Variants in TRAK2 observed in about 807,000 individuals in gnomAD.
TRAK2 encodes the protein trafficking kinesin-binding protein 2.
In TRAK2, 81 loss-of-function variants were observed where a neutral mutation model predicts 104.6. The ratio of observed to expected loss-of-function variants is 0.77; its 90% CI spans 0.65 to 0.93. The LOEUF (loss-of-function observed/expected upper bound fraction) is 0.93. Among genes scored for constraint, TRAK2 ranks in the 40% least tolerant of loss-of-function variants. The pLI, the probability that TRAK2 is intolerant of heterozygous loss-of-function variation, is 0.00. For missense variants in TRAK2, 1,002 were observed against 1,089.0 expected (o/e 0.92, Z 1.12); for synonymous variants, 406 against 394.4 (o/e 1.03, Z -0.35).
At chr2:201,394,659 G>T in intron 9 of TRAK2, 139 bp downstream of exon 9, 1 of 760,842 alleles carries the variant, frequency 1.3e-6, no homozygotes, top group Non-Finnish European at 2.1e-6. Flanking sequence ...TTACTTCTTA[G>T]ATCTCATAAT....
At position 201,408,292 on chromosome 2, in the gene TRAK2, C is replaced by G. The variant is rs565992383; in HGVS notation, c.92-695G>C. Among the ~76,000 whole-genome samples the G allele has an allele frequency of 1.4e-4, 22 of 152,212 alleles. No homozygotes were observed. The South Asian group carries it at 2.5e-3, about 17-fold the overall frequency. On this transcript the variant is annotated intron_variant, in intron 2 of 15. Transcript: ENST00000332624. Reference sequence around the variant, plus strand: ...TAAATATATTGCTTAGTGACTATAACTATGCTTTTTTTAATTTTTAATTTT... The same window carrying G: ...TAAATATATTGCTTAGTGACTATAAGTATGCTTTTTTTAATTTTTAATTTT...
intron 2 of TRAK2, among the ~76,000 whole-genome samples, chr2:201,414,341 C>T (rs904855116): frequency 1.3e-5 from 2 of 152,150 alleles, no homozygotes; most frequent in African/African-American, 4.8e-5. Flanking sequence ...AGCGAAAGTA[C>T]AGGATGTCAT....
At chr2:201,418,532 A>G (rs551257973) in intron 2 of TRAK2, among the ~76,000 whole-genome samples, 1 of 152,372 alleles carries the variant, frequency 6.6e-6, no homozygotes, top group African/African-American at 2.4e-5. Flanking sequence ...GATTTACTAT[A>G]GAATTACAGC....
chr2:201,414,466 A>G (rs904954567), intron 2 of TRAK2, among the ~76,000 whole-genome samples: 2 of 152,240 alleles, frequency 1.3e-5, no homozygotes, highest in Non-Finnish European at 2.9e-5. Flanking sequence ...CAAATCCTTA[A>G]GAGAGTAAAT....
chr2:201,427,972 G>C (rs1032851963), intron 1 of TRAK2, among the ~76,000 whole-genome samples: 1 of 152,210 alleles, frequency 6.6e-6, no homozygotes, highest in Admixed American at 6.5e-5. Flanking sequence ...CTTCTTTTGA[G>C]AAGTGTCTAT....
At chr2:201,436,359 C>A (rs1054439467) in intron 1 of TRAK2, among the ~76,000 whole-genome samples, 2 of 152,110 alleles carry the variant, frequency 1.3e-5, no homozygotes, top group African/African-American at 4.8e-5. Context: ...AAAGAATTTT[C>A]TTTCAATGAT....
chr2:201,398,177 G>A lies in TRAK2; in HGVS notation c.658C>T (p.Leu220=), dbSNP rs150738949. ...CGAAGAGCCATATTCTCTTCTTCCA[G>A]TTCCTTGAGCTTTTCTTGCAGCATT... ...LEMLQEKLKE[L]EEENMALRSK... The change falls in exon 6 of 16, where the codon CTG becomes TTG. Residue 220 remains leucine (L), a synonymous_variant. Coordinates refer to ENST00000332624, the MANE Select transcript of TRAK2 (RefSeq NM_015049.3). 3.1e-6 allele frequency: 5 copies of A among 1,613,574 alleles called. No individual in the cohort carries two copies. The African/African-American group carries it at 6.7e-5, about 22-fold the overall frequency.
chr2:201,403,353 G>T (rs1034938597), intron 3 of TRAK2, among the ~76,000 whole-genome samples: 3 of 152,072 alleles, frequency 2.0e-5, no homozygotes, highest in Admixed American at 1.3e-4. Flanking sequence ...AAAGCTATTA[G>T]TGGCAAAGCT....
intron 1 of TRAK2, chr2:201,423,636 G>A (rs1483758670): frequency 6.6e-6 from 1 of 152,144 alleles, no homozygotes; most frequent in Non-Finnish European, 1.5e-5. Context: ...TGATGAATTA[G>A]TGGTGATGGT....
Position 201,387,693 on chromosome 2 carries a change from G to A in TRAK2, c.1696+10C>T, listed in dbSNP as rs749249856. ...ACATGGCTTAGTAAGGGCCCTTACT[G>A]ATTTATTACCTTCAAGGGGCTTGAC... On this transcript the variant is annotated intron_variant, in intron 13 of 15. Coordinates refer to ENST00000332624, the MANE Select transcript of TRAK2 (RefSeq NM_015049.3). The A allele has an allele frequency of 6.3e-7, 1 of 1,579,606 alleles. No homozygotes were observed. Among genetic ancestry groups the A allele is most frequent in the Non-Finnish European group, 8.6e-7 (1 of 1,161,810 alleles).
chr2:201,403,182 T>G (rs750189640), intron 3 of TRAK2, among the ~76,000 whole-genome samples: 1 of 152,188 alleles, frequency 6.6e-6, no homozygotes, highest in African/African-American at 2.4e-5. Flanking sequence ...TATGTTTTAG[T>G]GAGGAAAAAT....
In TRAK2 at chr2:201,380,637, A is replaced by G. The variant is rs764458066; in HGVS notation, c.2651T>C (p.Leu884Pro). The G allele has an allele frequency of 5.5e-5, 88 of 1,613,916 alleles. No homozygotes were observed. The highest frequency in any genetic ancestry group is 7.5e-5 in the Non-Finnish European group (88 of 1,179,980). The change falls in exon 16 of 16, where the codon CTA becomes CCA. Residue 884 changes from leucine (L) to proline (P), a missense_variant. Coordinates refer to ENST00000332624, the MANE Select transcript of TRAK2 (RefSeq NM_015049.3). ...LNSGSSLLGG[L>P]RRNQSLPVIM... ...GACTGGAAGACTCTGATTCCTCCTT[A>G]GTCCACCTAATAAACTGCTACCTGA...
chr2:201,450,915 T>G (rs1311794288), intron 1 of TRAK2, among the ~76,000 whole-genome samples: 1 of 152,174 alleles, frequency 6.6e-6, no homozygotes, highest in Non-Finnish European at 1.5e-5. Context: ...CAAAATCAAT[T>G]GCAAGAAAAG....
intron 12 of TRAK2, among the ~76,000 whole-genome samples, chr2:201,388,978 A>G (rs1222739589): frequency 6.6e-6 from 1 of 152,212 alleles, no homozygotes; most frequent in Non-Finnish European, 1.5e-5. Flanking sequence ...ATAAACAGAA[A>G]ATCGACAGCA....
At chr2:201,385,058 A>G (rs1951376611) in intron 14 of TRAK2, among the ~76,000 whole-genome samples, 2 of 152,226 alleles carry the variant, frequency 1.3e-5, no homozygotes. Context: ...TCCTTCAAGA[A>G]AAACAGCTAA....
intron 2 of TRAK2, chr2:201,411,350 A>G (rs879192894): frequency 1.2e-5 from 9 of 750,076 alleles, no homozygotes; most frequent in Non-Finnish European, 2.0e-5. Context: ...TATTTTCGGA[A>G]TCACTGCCAG....
chr2:201,418,844 A>G (rs1053341379), intron 2 of TRAK2, among the ~76,000 whole-genome samples: 2 of 152,220 alleles, frequency 1.3e-5, no homozygotes, highest in Admixed American at 1.3e-4. Flanking sequence ...ACGACACAAA[A>G]ATATGAATTA....
At chr2:201,432,480 T>C (rs1458807521) in intron 1 of TRAK2, among the ~76,000 whole-genome samples, 7 of 152,216 alleles carry the variant, frequency 4.6e-5, no homozygotes, top group African/African-American at 1.7e-4. Context: ...AAGCCAGCCT[T>C]TGTAATCCAT....
chr2:201,429,356 C>T (rs544016682), intron 1 of TRAK2, among the ~76,000 whole-genome samples: 46 of 152,160 alleles, frequency 3.0e-4, no homozygotes, highest in Non-Finnish European at 4.4e-4. Flanking sequence ...TTGCTCTTCT[C>T]GAGGAGTAAC....
Sources: gnomAD v4.1 joint callset for allele counts (sites outside exome capture counted in the v4.1 genomes callset) on GRCh38, gnomAD v4.1.1 for gene constraint, MANE v1.5 for transcripts, NCBI Gene and HGNC (gene_info 2026-07-23, HGNC 2026-07-21) for gene names.